Variants in MRAP2 observed in about 807,000 individuals in gnomAD.
MRAP2 encodes the protein melanocortin 2 receptor accessory protein 2.
Under a neutral mutation model 17.4 loss-of-function variants are expected in MRAP2, and 20 were observed. That is an observed-to-expected ratio of 1.15 (90% CI 0.81 to 1.67). MRAP2 has a LOEUF of 1.67. Among genes scored for constraint, MRAP2 ranks in the 40% most tolerant of loss-of-function variants. The pLI is 0.00. For missense variants in MRAP2, 238 were observed against 240.0 expected, an observed-to-expected ratio of 0.99 and a Z score of 0.05; for synonymous variants, 96 against 88.4, an observed-to-expected ratio of 1.09 and a Z score of -0.48.
intron 1 of MRAP2, among the ~76,000 whole-genome samples, chr6:84,037,136 T>C (rs558924400): frequency 1.3e-5 from 2 of 152,178 alleles, no homozygotes; most frequent in East Asian, 3.9e-4. Context: ...AGAGCACTGA[T>C]TGTTGCGTTT....
At chr6:84,129,680 C>A in the MRAP2 span, among the ~76,000 whole-genome samples, 5 of 152,210 alleles carry the variant, frequency 3.3e-5, no homozygotes, top group Admixed American at 3.3e-4. Flanking sequence ...TTAATTAGAT[C>A]CCATTTGTCA....
intron 3 of MRAP2, among the ~76,000 whole-genome samples, chr6:84,065,672 C>T (rs9449764): frequency 0.058 from 8,846 of 152,188 alleles, 855 homozygotes; most frequent in African/African-American, 0.2. Flanking sequence ...GGACTAGGAA[C>T]ACTAGCATGA....
chr6:84,054,271 G>A (rs536816975), intron 1 of MRAP2, among the ~76,000 whole-genome samples: 9 of 152,230 alleles, frequency 5.9e-5, no homozygotes, highest in South Asian at 4.2e-4. Context: ...CACAGTGTGC[G>A]GTGTCTTGCA....
At chr6:84,054,017 T>G (rs2099491091) in intron 1 of MRAP2, among the ~76,000 whole-genome samples, 1 of 152,030 alleles carries the variant, frequency 6.6e-6, no homozygotes, top group African/African-American at 2.4e-5. Context: ...CCCTGAGGAT[T>G]GTGCCCTGGA....
intron 1 of MRAP2, 75 bp from the exon 2 acceptor site, chr6:84,055,237 C>A: frequency 6.6e-7 from 1 of 1,524,018 alleles, no homozygotes; most frequent in Non-Finnish European, 8.8e-7. Flanking sequence ...TGAATGCGAT[C>A]AAGAGTAATT....
rs199592570 is a variant in MRAP2, at chr6:84,067,789, G to A, written c.227+4797G>A. Among the ~76,000 whole-genome samples, 9 of 120,576 alleles carry A rather than the reference G, an allele frequency of 7.5e-5. No homozygotes were observed. In the East Asian group the frequency reaches 2.2e-3, roughly 30 times the overall value. The allele number at this position is 120,576 out of a possible 152,430, so 79.1% of individuals were successfully genotyped here. A position where few individuals can be genotyped will look rare whatever the true frequency, so the allele number is the denominator to read the frequency against. ...AGTTCGTTGTAGATTCTGGATATTA[G>A]TCCTTTGTCAGATGTATGGATTGTG... On this transcript the variant is annotated intron_variant, in intron 3 of 3. Coordinates refer to ENST00000257776, the MANE Select transcript of MRAP2 (RefSeq NM_138409.4).
intron 3 of MRAP2, 186 bp downstream of exon 3, chr6:84,063,178 C>G (rs1203989835): frequency 3.0e-6 from 3 of 985,236 alleles, no homozygotes; most frequent in African/African-American, 1.7e-5. Context: ...TTTCTTGCGT[C>G]TTGGGCTTAT....
chr6:84,056,829 C>A (rs1440405214), intron 2 of MRAP2, among the ~76,000 whole-genome samples: 1 of 152,102 alleles, frequency 6.6e-6, no homozygotes, highest in Non-Finnish European at 1.5e-5. Context: ...GACAGGCCTG[C>A]TGCTGTAATT....
the MRAP2 span, among the ~76,000 whole-genome samples, chr6:84,139,283 T>G: frequency 6.6e-6 from 1 of 152,212 alleles, no homozygotes; most frequent in Admixed American, 6.5e-5. Context: ...CCCACCTTTG[T>G]AGCCTAAAAA....
At chr6:84,040,860 A>G (rs2099487359) in intron 1 of MRAP2, among the ~76,000 whole-genome samples, 1 of 152,330 alleles carries the variant, frequency 6.6e-6, no homozygotes, top group African/African-American at 2.4e-5. Context: ...CAACCTGACA[A>G]TGTGGTAGAA....
chr6:84,139,463 G>T, the MRAP2 span, among the ~76,000 whole-genome samples: 1 of 152,102 alleles, frequency 6.6e-6, no homozygotes, highest in Admixed American at 6.6e-5. Context: ...TCTGTCTTTT[G>T]TTACAGTGGC....
chr6:84,089,229 G>T lies in MRAP2; in HGVS notation c.366G>T (p.Glu122Asp). 2 of 1,614,178 alleles carry T rather than the reference G, an allele frequency of 1.2e-6. No homozygotes were observed. Among genetic ancestry groups the T allele is most frequent in the Non-Finnish European group, 1.7e-6 (2 of 1,180,038 alleles). ...SRSLFHCYIN[E>D]VERLDRAKAC... ...CTCTCTTTCACTGCTACATCAATGA[G>T]GTGGAACGCTTGGACAGAGCCAAAG... Residue 122 changes from glutamate (E) to aspartate (D), a missense_variant, in exon 4 of 4, where the codon GAG becomes GAT. Physicochemically the swap from Glu to Asp is conservative, Grantham distance 45 (BLOSUM62 2). Coordinates refer to ENST00000257776, the MANE Select transcript of MRAP2 (RefSeq NM_138409.4).
chr6:84,046,145 A>T (rs1014530317), intron 1 of MRAP2, among the ~76,000 whole-genome samples: 3 of 152,236 alleles, frequency 2.0e-5, no homozygotes, highest in African/African-American at 7.2e-5. Flanking sequence ...TTGTGAAATT[A>T]TATCTTCTCT....
the MRAP2 span, among the ~76,000 whole-genome samples, chr6:84,134,919 T>TACACACAC: frequency 8.6e-4 from 128 of 148,366 alleles, 1 homozygote; most frequent in African/African-American, 2.8e-3. Context: ...AGATCATATA[T>TACACACAC]ACACACACAC....
chr6:84,131,361 T>A, the MRAP2 span, among the ~76,000 whole-genome samples: 1 of 152,222 alleles, frequency 6.6e-6, no homozygotes, highest in Non-Finnish European at 1.5e-5. Context: ...GTTTATTAGG[T>A]CTGCTTGGTG....
At chr6:84,138,643 C>T in the MRAP2 span, among the ~76,000 whole-genome samples, 1 of 152,196 alleles carries the variant, frequency 6.6e-6, no homozygotes, top group Non-Finnish European at 1.5e-5. Context: ...AAATCATGTG[C>T]TGCGTCTTCT....
At chr6:84,137,896 G>C in the MRAP2 span, among the ~76,000 whole-genome samples, 3 of 152,134 alleles carry the variant, frequency 2.0e-5, no homozygotes, top group Non-Finnish European at 4.4e-5. Flanking sequence ...TCCTTAATAA[G>C]ATTTTCACCC....
At chr6:84,133,522 G>A in the MRAP2 span, among the ~76,000 whole-genome samples, 3 of 152,112 alleles carry the variant, frequency 2.0e-5, no homozygotes, top group Admixed American at 6.5e-5. Flanking sequence ...CCCAGTTTGA[G>A]CTTCCTGGCC....
chr6:84,129,761 G>A, the MRAP2 span, among the ~76,000 whole-genome samples: 1 of 152,132 alleles, frequency 6.6e-6, no homozygotes, highest in Non-Finnish European at 1.5e-5. Flanking sequence ...ATTTTGGACT[G>A]AGATGATGGG....
Sources: gnomAD v4.1 joint callset for allele counts (sites outside exome capture counted in the v4.1 genomes callset) on GRCh38, gnomAD v4.1.1 for gene constraint, MANE v1.5 for transcripts, NCBI Gene and HGNC (gene_info 2026-07-23, HGNC 2026-07-21) for gene names.